The following CRADD variants were observed in gnomAD, a reference collection of about 807,000 sequenced individuals.
CRADD encodes the protein death domain-containing protein CRADD.
Under a neutral mutation model 15.5 loss-of-function variants are expected in CRADD, and 9 were observed. That is an observed-to-expected ratio of 0.58 (90% CI 0.35 to 1.01). The LOEUF (loss-of-function observed/expected upper bound fraction) is 1.01, where lower values mean the gene tolerates loss of function less well. Among genes scored for constraint, CRADD ranks in the 50% least tolerant of loss-of-function variants. The probability of loss-of-function intolerance (pLI) is 0.02; values close to 1 mark genes in which losing one functional copy is unlikely to be tolerated. For synonymous variants in CRADD, 118 were observed against 107.6 expected, an observed-to-expected ratio of 1.10 and a Z score of -0.60; for missense variants, 227 against 250.3, an observed-to-expected ratio of 0.91 and a Z score of 0.63.
chr12:93,828,148 T>G (rs1259161453), intron 2 of CRADD, among the ~76,000 whole-genome samples: 1 of 152,218 alleles, frequency 6.6e-6, no homozygotes, highest in Non-Finnish European at 1.5e-5. Context: ...TTTGCCCATT[T>G]AAAAAATTGG....
intron 2 of CRADD, among the ~76,000 whole-genome samples, chr12:93,711,055 C>CCCCCCCTCTT: frequency 2.3e-5 from 1 of 43,508 alleles, no homozygotes; most frequent in African/African-American, 8.5e-5. Flanking sequence ...CCACCCCCGC[C>CCCCCCCTCTT]TTTTTTTTTT....
chr12:93,817,192 C>T (rs766419968), intron 2 of CRADD, among the ~76,000 whole-genome samples: 1 of 152,112 alleles, frequency 6.6e-6, no homozygotes, highest in Non-Finnish European at 1.5e-5. Context: ...GAAGGAGGTC[C>T]ATCGGAGACT....
chr12:93,697,780 T>TAAATTTTAC (rs1330021219), intron 2 of CRADD, among the ~76,000 whole-genome samples: 10 of 152,164 alleles, frequency 6.6e-5, no homozygotes, highest in African/African-American at 2.4e-4. Flanking sequence ...TTATTTAATA[T>TAAATTTTAC]AAATTTTACA....
chr12:93,710,248 A>G (rs9971690), intron 2 of CRADD, among the ~76,000 whole-genome samples: 81,234 of 151,666 alleles, frequency 0.54, 22,172 homozygotes, highest in East Asian at 0.67. Flanking sequence ...CCTCCATAAT[A>G]TCTCATTTCC....
intron 2 of CRADD, among the ~76,000 whole-genome samples, chr12:93,823,152 C>T (rs1020309759): frequency 6.6e-6 from 1 of 151,980 alleles, no homozygotes; most frequent in Non-Finnish European, 1.5e-5. Flanking sequence ...ATTAGCCTGG[C>T]GTGGTGGCAG....
chr12:93,684,614 A>C (rs1040622071), intron 2 of CRADD, among the ~76,000 whole-genome samples: 5 of 152,230 alleles, frequency 3.3e-5, no homozygotes, highest in African/African-American at 4.8e-5. Context: ...AATGTATTCT[A>C]GTAGAGGGAG....
At chr12:93,693,612 C>T (rs1955627429) in intron 2 of CRADD, among the ~76,000 whole-genome samples, 1 of 151,920 alleles carries the variant, frequency 6.6e-6, no homozygotes, top group Non-Finnish European at 1.5e-5. Context: ...ATTAATAGAT[C>T]TGAAGGGGGA....
intron 2 of CRADD, among the ~76,000 whole-genome samples, chr12:93,772,617 T>C (rs764896267): frequency 6.6e-5 from 10 of 152,254 alleles, no homozygotes; most frequent in African/African-American, 9.6e-5. Context: ...TGATGTTAGA[T>C]TGACTCTTTT....
chr12:93,808,870 G>T (rs1327940737), intron 2 of CRADD, among the ~76,000 whole-genome samples: 1 of 151,562 alleles, frequency 6.6e-6, no homozygotes, highest in African/African-American at 2.4e-5. Context: ...TAGAATCTTT[G>T]TGAAGGCTTC....
intron 2 of CRADD, among the ~76,000 whole-genome samples, chr12:93,827,290 C>G (rs931620718): frequency 4.6e-5 from 7 of 152,178 alleles, no homozygotes; most frequent in African/African-American, 1.7e-4. Flanking sequence ...GTTTCATTTC[C>G]TAGAATTTCA....
At chr12:93,699,809 A>C (rs1022781784) in intron 2 of CRADD, among the ~76,000 whole-genome samples, 4 of 152,200 alleles carry the variant, frequency 2.6e-5, no homozygotes, top group Non-Finnish European at 5.9e-5. Flanking sequence ...TGGGCTCTAA[A>C]AGGTATCAAA....
At chr12:93,813,367 T>C (rs1309440884) in intron 2 of CRADD, among the ~76,000 whole-genome samples, 1 of 152,256 alleles carries the variant, frequency 6.6e-6, no homozygotes, top group African/African-American at 2.4e-5. Context: ...GCCCTTATCT[T>C]CCACAACTTC....
At chr12:93,764,740 T>C (rs1213955972) in intron 2 of CRADD, among the ~76,000 whole-genome samples, 1 of 151,950 alleles carries the variant, frequency 6.6e-6, no homozygotes, top group Non-Finnish European at 1.5e-5. Context: ...TTGGTTTTTT[T>C]TTTTTGTCTA....
Position 93,760,680 on chromosome 12 carries a change from CCATT to C in CRADD, c.298+81635_298+81638del, listed in dbSNP as rs57810477. Among the ~76,000 whole-genome samples the C allele has an allele frequency of 6.3e-3, 956 of 151,862 alleles. 8 individuals carry two copies. The highest frequency in any genetic ancestry group is 0.014 in the African/African-American group (598 of 41,396). On this transcript the variant is annotated intron_variant, in intron 2 of 2. Transcript: ENST00000332896. ...GCGCTTGTCTTCATTGGTTTGTTTG[CCATT>C]CATTCATTCATTCATTCATTCATTC... is the stretch of plus-strand genomic sequence containing the variant.
downstream of CRADD, among the ~76,000 whole-genome samples, chr12:93,854,082 C>T (rs1958250937): frequency 1.3e-5 from 2 of 152,116 alleles, no homozygotes; most frequent in Non-Finnish European, 2.9e-5. Context: ...GCAAACTACC[C>T]CCAAGATGTA....
downstream of CRADD, among the ~76,000 whole-genome samples, chr12:93,852,056 A>G (rs907590742): frequency 6.6e-6 from 1 of 152,228 alleles, no homozygotes; most frequent in Non-Finnish European, 1.5e-5. Flanking sequence ...AGCCCAGCCA[A>G]TAATTCATTA....
rs116647026 is a variant in CRADD at position 93,711,469 on chromosome 12, T to A, written c.298+32397T>A. ...TTAAAAACCCGAGGGGGGATTTCAT[T>A]GTACTTGTAATAAAATCCAGACTCC... On this transcript the variant is annotated intron_variant, in intron 2 of 2. Transcript: ENST00000332896. 2.2e-3 allele frequency among the ~76,000 whole-genome samples: 342 copies of A among 152,260 alleles called. 1 individual carries two copies. Among genetic ancestry groups the A allele is most frequent in the African/African-American group, 7.9e-3 (327 of 41,568 alleles).
At chr12:93,846,380 A>G (rs907366142) in intron 2 of CRADD, 7 of 151,986 alleles carry the variant, frequency 4.6e-5, no homozygotes, top group African/African-American at 1.7e-4. Context: ...CACCTGCACC[A>G]TTTTCCATTC....
chr12:93,784,346 T>C (rs1957249459), intron 2 of CRADD, among the ~76,000 whole-genome samples: 1 of 152,116 alleles, frequency 6.6e-6, no homozygotes, highest in African/African-American at 2.4e-5. Context: ...TATCTAATCA[T>C]GTTTAACTCT....
Sources: allele counts gnomAD v4.1 joint callset (sites outside exome capture counted in the v4.1 genomes callset), GRCh38; gene constraint gnomAD v4.1.1; transcripts MANE v1.5; gene names NCBI Gene and HGNC (gene_info 2026-07-23, HGNC 2026-07-21).